The following ZFP64 variants were observed in gnomAD, a reference collection of about 807,000 sequenced individuals.
ZFP64 encodes ZFP64 zinc finger protein.
A neutral mutation model predicts 51.6 loss-of-function variants in ZFP64; 14 were observed. That is an observed-to-expected ratio of 0.27 (90% CI 0.18 to 0.42). ZFP64 has a LOEUF of 0.42. Among genes scored for constraint, ZFP64 ranks in the 10% least tolerant of loss-of-function variants. The pLI is 1.00. For synonymous variants in ZFP64, 375 were observed against 361.4 expected (o/e 1.04, Z -0.43); for missense variants, 754 against 906.8 (o/e 0.83, Z 2.16).
chr20:52,171,816 C>T (rs964603656), intron 2 of ZFP64, among the ~76,000 whole-genome samples: 64 of 150,570 alleles, frequency 4.3e-4, no homozygotes, highest in African/African-American at 1.4e-3. Context: ...GGCGTGATCT[C>T]GGCTCATTGC....
intron 5 of ZFP64, among the ~76,000 whole-genome samples, chr20:52,102,769 TCA>T (rs1204985439): frequency 2.0e-5 from 3 of 152,206 alleles, no homozygotes; most frequent in African/African-American, 4.8e-5. Flanking sequence ...TCCCCGTTCC[TCA>T]GTTTCCACAT....
chr20:52,119,533 A>AT (rs1555802531), intron 5 of ZFP64, among the ~76,000 whole-genome samples: 15,171 of 89,044 alleles, frequency 0.17, 1,185 homozygotes, highest in East Asian at 0.26. Context: ...AAAAAAAAAA[A>AT]ATATATATAT....
intron 4 of ZFP64, among the ~76,000 whole-genome samples, chr20:52,163,217 C>T (rs563838004): frequency 1.3e-5 from 2 of 152,050 alleles, no homozygotes; most frequent in Non-Finnish European, 2.9e-5. Flanking sequence ...AAAAATTAGC[C>T]GGGTGTGTTG....
chr20:52,084,961 C>G, exon 9 of ZFP64: 1 of 1,613,880 alleles, frequency 6.2e-7, no homozygotes, highest in African/African-American at 1.3e-5. Flanking sequence ...CTGCTGTGCA[C>G]GCGCAGGGCG....
intron 5 of ZFP64, among the ~76,000 whole-genome samples, chr20:52,121,914 C>T (rs914469224): frequency 2.6e-5 from 4 of 152,294 alleles, no homozygotes; most frequent in African/African-American, 9.6e-5. Flanking sequence ...TTCCAAAAAT[C>T]CTAAGGCCCT....
chr20:52,110,365 C>T, intron 5 of ZFP64: 1 of 528,530 alleles, frequency 1.9e-6, no homozygotes. Flanking sequence ...CGTTCTCAGC[C>T]CCCTTCTTCT....
chr20:52,129,231 A>G (rs1600733277), intron 5 of ZFP64, among the ~76,000 whole-genome samples: 1 of 149,346 alleles, frequency 6.7e-6, no homozygotes, highest in Non-Finnish European at 1.5e-5. Context: ...ACAGGCGCCC[A>G]CCACCACGCC....
chr20:52,162,109 C>T (rs1981858427), intron 4 of ZFP64, among the ~76,000 whole-genome samples: 1 of 151,432 alleles, frequency 6.6e-6, no homozygotes. Flanking sequence ...ACCAGCCTGG[C>T]CAACATGGTG....
In ZFP64 at chr20:52,152,832, T is replaced by A. The variant is rs139224104; in HGVS notation, c.1360A>T (p.Lys454Ter). 6.2e-7 allele frequency: 1 copy of A among 1,614,014 alleles called. No homozygotes were observed. Among genetic ancestry groups the A allele is most frequent in the Non-Finnish European group, 8.5e-7 (1 of 1,179,988 alleles). ...TGGAGAACGGTCACGTCCGAGTTCTTACTCTCACTGTACTCACTGTGCTGT... is the reference window on the plus strand; with the variant it reads ...TGGAGAACGGTCACGTCCGAGTTCTAACTCTCACTGTACTCACTGTGCTGT... Reference protein sequence around the residue: ...KRQHSEYSESKNSDVTVLQFQ... With the variant: ...KRQHSEYSES Residue 454 changes from lysine (K) to a stop codon, truncating the protein, a stop_gained, in exon 6 of 6, where the codon AAG becomes TAG. Transcript: ENST00000216923. LOFTEE classifies it high-confidence loss of function.
Position 52,153,281 on chromosome 20 carries a change from G to A in ZFP64, c.911C>T (p.Ser304Leu), listed in dbSNP as rs376200226. Residue 304 changes from serine to leucine, a missense_variant, in exon 6 of 6, where the codon TCG becomes TTG. Transcript: ENST00000216923. This position sits in a 1 kb window ranked among gnomAD's most constrained non-coding sequence, Gnocchi z 5.1. ...CCCGCTGTGCTTGATACGGATGTGC[G>A]ACTTGAGGTTCCCCTTCATGGTGCA... ...VRCTMKGNLKSHIRIKHSGNN... is the reference protein window; with the variant it reads ...VRCTMKGNLKLHIRIKHSGNN... 6.2e-7 allele frequency: 1 copy of A among 1,614,082 alleles called. No individual in the cohort carries two copies. The highest frequency in any genetic ancestry group is 1.3e-5 in the African/African-American group (1 of 74,930).
rs760153882 is a variant in ZFP64 at position 52,152,825 on chromosome 20, G to A, written c.1367C>T (p.Ser456Leu). 2 of 1,613,818 alleles carry A rather than the reference G, an allele frequency of 1.2e-6. No homozygotes were observed. The highest frequency in any genetic ancestry group is 2.2e-5 in the South Asian group (2 of 91,088). The stretch of plus-strand genomic sequence containing the variant: ...CTGAAACTGGAGAACGGTCACGTCC[G>A]AGTTCTTACTCTCACTGTACTCACT... ...QHSEYSESKN[S>L]DVTVLQFQID... The change falls in exon 6 of 6, where the codon TCG (serine) becomes TTG (leucine). Residue 456 changes from serine (S) to leucine (L), a missense_variant. Physicochemically the swap from Ser to Leu is moderately radical, Grantham distance 145. Around this residue, in one of 3 missense-constraint regions of ZFP64, gnomAD observed 428 missense variants for 472.4 expected, o/e 0.91. Transcript: ENST00000216923.
intron 5 of ZFP64, among the ~76,000 whole-genome samples, chr20:52,129,956 T>G (rs1363487464): frequency 2.0e-5 from 3 of 152,070 alleles, no homozygotes; most frequent in African/African-American, 4.8e-5. Flanking sequence ...TGCTGCCTGC[T>G]CCTCTTTCCC....
At chr20:52,184,414 C>G (rs1368701123) in intron 2 of ZFP64, among the ~76,000 whole-genome samples, 2 of 152,172 alleles carry the variant, frequency 1.3e-5, no homozygotes, top group African/African-American at 2.4e-5. Context: ...AACACCTCCC[C>G]CAAAGATAAC....
chr20:52,125,339 G>A (rs1438530923), intron 5 of ZFP64, among the ~76,000 whole-genome samples: 1 of 152,108 alleles, frequency 6.6e-6, no homozygotes, highest in Admixed American at 6.6e-5. Flanking sequence ...TCAGGTGATG[G>A]GCAGAAAGTG....
chr20:52,128,937 G>A (rs577787496), intron 5 of ZFP64, among the ~76,000 whole-genome samples: 2 of 151,548 alleles, frequency 1.3e-5, no homozygotes, highest in African/African-American at 4.8e-5. Context: ...TTTCTGAGAC[G>A]GAGTCTCATT....
chr20:52,149,601 G>A (rs1311387251), downstream of ZFP64, among the ~76,000 whole-genome samples: 7 of 152,194 alleles, frequency 4.6e-5, no homozygotes, highest in Admixed American at 4.6e-4. Flanking sequence ...CTTGGGTGGG[G>A]TGAGAATACG....
intron 7 of ZFP64, among the ~76,000 whole-genome samples, chr20:52,091,605 C>T (rs2078927854): frequency 6.6e-6 from 1 of 152,090 alleles, no homozygotes; most frequent in Non-Finnish European, 1.5e-5. Context: ...TCAAAAATGT[C>T]ATCTTGGAAG....
Position 52,160,071 on chromosome 20 carries a change from T to G in ZFP64, c.763+52A>C. ...CTGAATGCTTTAAGGTGCTTATGAT[T>G]TATGCCATAGAAAGTGAGGAGCGTA... On this transcript the variant is annotated intron_variant, in intron 5 of 5. Coordinates refer to ENST00000216923, the MANE Select transcript of ZFP64 (RefSeq NM_018197.3). The surrounding 1 kb of genome is among the most constrained non-coding windows in gnomAD (Gnocchi z 4.2). The G allele has an allele frequency of 6.2e-7, 1 of 1,612,532 alleles. No individual in the cohort carries two copies. The highest frequency in any genetic ancestry group is 8.5e-7 in the Non-Finnish European group (1 of 1,179,442).
intron 7 of ZFP64, among the ~76,000 whole-genome samples, chr20:52,089,493 T>G (rs966588196): frequency 1.3e-5 from 2 of 152,024 alleles, no homozygotes; most frequent in Non-Finnish European, 2.9e-5. Context: ...GTAATTCCAG[T>G]GCTTTGGGGG....
Sources: allele counts gnomAD v4.1 joint callset (sites outside exome capture counted in the v4.1 genomes callset), GRCh38; gene constraint gnomAD v4.1.1; regional missense constraint gnomAD v4.1.1; non-coding constraint Gnocchi (gnomAD v3.1); transcripts MANE v1.5; gene names NCBI Gene and HGNC (gene_info 2026-07-23, HGNC 2026-07-21).